The following RABL6 variants were observed in gnomAD, a reference collection of about 807,000 sequenced individuals.
The protein encoded by RABL6 is rab-like protein 6.
A neutral mutation model predicts 72.9 loss-of-function variants in RABL6; 28 were observed. That is an observed-to-expected ratio of 0.38 (90% CI 0.28 to 0.53). RABL6 has a LOEUF of 0.53. Among genes scored for constraint, RABL6 ranks in the 20% least tolerant of loss-of-function variants. The pLI is 0.80. For missense variants in RABL6, 1,029 were observed against 1,008.4 expected, an observed-to-expected ratio of 1.02 and a Z score of -0.28; for synonymous variants, 477 against 421.2, an observed-to-expected ratio of 1.13 and a Z score of -1.62.
intron 13 of RABL6, 127 bp downstream of exon 13, chr9:136,839,992 G>A: frequency 6.8e-7 from 1 of 1,476,328 alleles, no homozygotes; most frequent in Non-Finnish European, 9.3e-7. Context: ...GCTCCTGGCA[G>A]CCCCCTGCAG....
intron 5 of RABL6, among the ~76,000 whole-genome samples, chr9:136,830,521 CG>C (rs1193915272): frequency 6.6e-6 from 1 of 152,276 alleles, no homozygotes; most frequent in Non-Finnish European, 1.5e-5. Context: ...GAGTTCAGCT[CG>C]GGCGCACACG....
At position 136,833,995 on chromosome 9, in the gene RABL6, G is replaced by A. The variant is rs1848536182; in HGVS notation, c.705+1625G>A. On this transcript the variant is annotated intron_variant, in intron 7 of 14. Transcript: ENST00000311502. Reference sequence around the variant, plus strand: ...TCCAAACCCTTCCAAAGCCTCCCAGGGAGAGAACGGGACCCTGGACAGAGT... The same window carrying A: ...TCCAAACCCTTCCAAAGCCTCCCAGAGAGAGAACGGGACCCTGGACAGAGT... 4 of 1,513,108 alleles carry A rather than the reference G, an allele frequency of 2.6e-6. No individual in the cohort carries two copies. In the East Asian group the frequency reaches 7.4e-5, roughly 28 times the overall value. The allele number at this position is 1,513,108 out of a possible 1,614,324, so 93.7% of individuals were successfully genotyped here.
rs755076024 is a variant in RABL6, at chr9:136,832,338, A to G, written c.673A>G (p.Lys225Glu). ...CAGCTTCGGCCTAAAGTACCTTCAT[A>G]AGTTCTTCAATATCCCATTTTTGCA... ...KNSFGLKYLH[K>E]FFNIPFLQLQ... Residue 225 changes from lysine (K) to glutamate (E), a missense_variant, in exon 7 of 15, where the codon AAG (lysine) becomes GAG (glutamate). Lys to Glu is a moderately conservative substitution (Grantham distance 56, BLOSUM62 1). This residue lies in a region of RABL6 where 434 missense variants were observed against 536.1 expected (regional missense o/e 0.81). Coordinates refer to ENST00000311502, the MANE Select transcript of RABL6 (RefSeq NM_024718.5). 15 of 1,613,676 alleles carry G rather than the reference A, an allele frequency of 9.3e-6. No homozygotes were observed. The highest frequency in any genetic ancestry group is 1.3e-5 in the Non-Finnish European group (15 of 1,179,772).
In RABL6 at chr9:136,839,462, G is replaced by C. The variant is rs1190543573; in HGVS notation, c.1734G>C (p.Glu578Asp). 1 of 1,612,498 alleles carries C rather than the reference G, an allele frequency of 6.2e-7. No homozygotes were observed. Among genetic ancestry groups the C allele is most frequent in the Non-Finnish European group, 8.5e-7 (1 of 1,179,698 alleles). Residue 578 changes from glutamate (E) to aspartate (D), a missense_variant, in exon 12 of 15, where the codon GAG becomes GAC. Around this residue, in one of 2 missense-constraint regions of RABL6, gnomAD observed 595 missense variants for 472.4 expected, o/e 1.26. Coordinates refer to ENST00000311502, the MANE Select transcript of RABL6 (RefSeq NM_024718.5). ...FVMDDPDFESEGSDTQRRADD... is the reference protein window; with the variant it reads ...FVMDDPDFESDGSDTQRRADD... ...TGGATGACCCCGACTTTGAGAGCGA[G>C]GGATCAGACACACAGCGCAGGGCGG...
In RABL6 at chr9:136,831,854, C is replaced by G. The variant is rs747927959; in HGVS notation, c.592C>G (p.Leu198Val). Residue 198 changes from leucine (L) to valine (V), a missense_variant, in exon 6 of 15, where the codon CTG becomes GTG. Leu to Val is a conservative substitution (Grantham distance 32, BLOSUM62 1). This residue lies in a region of RABL6 where 434 missense variants were observed against 536.1 expected (regional missense o/e 0.81). Transcript: ENST00000311502. ...PDDVRDFIDN[L>V]DRPPGSSYFR... ...CGACGTGCGTGACTTCATCGACAACCTGGACAGGTGGGTGCGGTGGCCCTG... is the reference window on the plus strand; with the variant it reads ...CGACGTGCGTGACTTCATCGACAACGTGGACAGGTGGGTGCGGTGGCCCTG... The G allele has an allele frequency of 1.2e-6, 2 of 1,611,042 alleles. No individual in the cohort carries two copies. The highest frequency in any genetic ancestry group is 2.7e-5 in the African/African-American group (2 of 74,888).
intron 1 of RABL6, chr9:136,809,400 C>T (rs1161171133): frequency 1.1e-5 from 3 of 261,598 alleles, no homozygotes; most frequent in South Asian, 7.8e-5. Context: ...GCAGACCACT[C>T]GGGCCACCCT....
At chr9:136,823,369 G>T (rs997507758) in intron 1 of RABL6, among the ~76,000 whole-genome samples, 156 bp from the exon 2 acceptor site, 1 of 152,212 alleles carries the variant, frequency 6.6e-6, no homozygotes, top group Non-Finnish European at 1.5e-5. Context: ...CCCACCCATC[G>T]TCTTCCTCCC....
intron 2 of RABL6, among the ~76,000 whole-genome samples, chr9:136,825,229 C>G (rs377546214): frequency 6.6e-6 from 1 of 152,270 alleles, no homozygotes; most frequent in Non-Finnish European, 1.5e-5. Context: ...TCTGCTCCCT[C>G]AAAGTGAACT....
chr9:136,833,697 C>T, intron 7 of RABL6: 3 of 1,549,524 alleles, frequency 1.9e-6, no homozygotes, highest in Non-Finnish European at 1.7e-6. Context: ...GCTGCAGCTG[C>T]AGCAGCCTTG....
chr9:136,840,548 G>T lies in RABL6; in HGVS notation c.*26G>T. On this transcript the variant is annotated 3_prime_UTR_variant, in exon 15 of 15. Transcript: ENST00000311502. ...GCCGGCGTGGGCAGTGGCCGCCCTG[G>T]GGCGGGGGGCGTGCCTGTCACTGCC... 1 of 1,546,018 alleles carries T rather than the reference G, an allele frequency of 6.5e-7. No individual in the cohort carries two copies. The highest frequency in any genetic ancestry group is 1.2e-5 in the South Asian group (1 of 83,888).
chr9:136,808,809 CAG>C (rs1438216623), intron 1 of RABL6: 1 of 150,660 alleles, frequency 6.6e-6, no homozygotes, highest in Non-Finnish European at 1.5e-5. Flanking sequence ...AGTTTGAAGA[CAG>C]AATATTAGCT....
Position 136,839,956 on chromosome 9 carries a change from C to T in RABL6, c.1930+91C>T, listed in dbSNP as rs1848659113. 14 of 1,522,312 alleles carry T rather than the reference C, an allele frequency of 9.2e-6. No individual in the cohort carries two copies. In the South Asian group the frequency reaches 1.7e-4, roughly 18 times the overall value. 94.3% of individuals were successfully genotyped at this position (1,522,312 alleles called of 1,614,324 possible). On this transcript the variant is annotated intron_variant, in intron 13 of 14. Coordinates refer to ENST00000311502, the MANE Select transcript of RABL6 (RefSeq NM_024718.5). The stretch of plus-strand genomic sequence containing the variant: ...GCTGCTGGCCGCTGGCCGGGGTCCT[C>T]TCCTGAGTCCAGGATGCTGTGCCAT...
chr9:136,841,116 C>CGAAGGCAGGAGCCG lies in RABL6; in HGVS notation c.*596_*609dup. ...AGCTGCGCCCCCGCTCAGGTGAGCC[C>CGAAGGCAGGAGCCG]GAAGGCAGGAGCCGGGAGGCACTCC... On this transcript the variant is annotated 3_prime_UTR_variant, in exon 15 of 15. Coordinates refer to ENST00000311502, the MANE Select transcript of RABL6 (RefSeq NM_024718.5). The CGAAGGCAGGAGCCG allele has an allele frequency of 7.8e-7, 1 of 1,282,232 alleles. No homozygotes were observed. Among genetic ancestry groups the CGAAGGCAGGAGCCG allele is most frequent in the Non-Finnish European group, 1.0e-6 (1 of 986,394 alleles). The allele number at this position is 1,282,232 out of a possible 1,614,324, so 79.4% of individuals were successfully genotyped here.
At chr9:136,837,276 C>T (rs1191905978) in intron 8 of RABL6, 70 bp from the exon 9 acceptor site, 2 of 1,472,814 alleles carry the variant, frequency 1.4e-6, no homozygotes, top group African/African-American at 2.8e-5. Flanking sequence ...CAGCAGAGAG[C>T]CCCCTGTCAC....
intron 7 of RABL6, chr9:136,833,677 C>G (rs1169236320): frequency 6.5e-7 from 1 of 1,548,616 alleles, no homozygotes; most frequent in Non-Finnish European, 8.7e-7. Flanking sequence ...TCTGGGGGAC[C>G]TGGGGCCCAG....
intron 7 of RABL6, chr9:136,833,499 GA>G: frequency 3.3e-6 from 2 of 600,350 alleles, no homozygotes; most frequent in Non-Finnish European, 5.7e-6. Flanking sequence ...GGGTCTGGGG[GA>G]CCTGAACCTC....
At chr9:136,813,316 TG>T in intron 1 of RABL6, 2 of 661,600 alleles carry the variant, frequency 3.0e-6, no homozygotes, top group Non-Finnish European at 2.8e-6. Flanking sequence ...ATTTTGGTTC[TG>T]GGGCACTTTG....
Position 136,819,586 on chromosome 9 carries a change from A to G in RABL6, c.131-3939A>G, listed in dbSNP as rs535753851. Among the ~76,000 whole-genome samples, 7 of 152,332 alleles carry G rather than the reference A, an allele frequency of 4.6e-5. No individual in the cohort carries two copies. In the South Asian group the frequency reaches 1.2e-3, roughly 27 times the overall value. On this transcript the variant is annotated intron_variant, in intron 1 of 14. Transcript: ENST00000311502. ...AAAGGTTGAAAGTTAGGAGTTGGAA[A>G]CAAGACACTAGGTAAACATTAACCA...
rs751813460 is a variant in RABL6, at chr9:136,821,753, G to C, written c.131-1772G>C. The C allele has an allele frequency of 3.2e-4, 364 of 1,151,700 alleles. 1 individual carries two copies. Among genetic ancestry groups the C allele is most frequent in the East Asian group, 2.1e-3 (24 of 11,412 alleles). The allele number at this position is 1,151,700 out of a possible 1,614,324, so 71.3% of individuals were successfully genotyped here. ...GTGCTCTCCACAGGCCGGGCCGCCG[G>C]GCTGGAGGGCGCTGCAGGCGGCCTC... On this transcript the variant is annotated intron_variant, in intron 1 of 14. Transcript: ENST00000311502.
Sources: gnomAD v4.1 joint callset for allele counts (sites outside exome capture counted in the v4.1 genomes callset) on GRCh38, gnomAD v4.1.1 for gene constraint, gnomAD v4.1.1 regional missense constraint, MANE v1.5 for transcripts, NCBI Gene and HGNC (gene_info 2026-07-23, HGNC 2026-07-21) for gene names.